Variants in SLC31A1 observed in about 807,000 individuals in gnomAD.
SLC31A1 encodes the protein high affinity copper uptake protein 1.
A neutral mutation model predicts 17.2 loss-of-function variants in SLC31A1; 5 were observed. That is an observed-to-expected ratio of 0.29 (90% CI 0.15 to 0.61). The LOEUF is 0.61. SLC31A1 is among the 20% of genes least tolerant of loss of function. The pLI is 0.86. For missense variants in SLC31A1, 161 were observed against 241.4 expected (o/e 0.67, Z 2.21); for synonymous variants, 76 against 78.8 (o/e 0.96, Z 0.19).
At chr9:113,224,767 G>C (rs1315680748) in intron 1 of SLC31A1, among the ~76,000 whole-genome samples, 1 of 152,200 alleles carries the variant, frequency 6.6e-6, no homozygotes, top group East Asian at 1.9e-4. Context: ...AAAGCATTCA[G>C]TGTGGTGTTT....
At chr9:113,232,094 TA>T (rs1195482262) in intron 1 of SLC31A1, among the ~76,000 whole-genome samples, 2 of 152,206 alleles carry the variant, frequency 1.3e-5, no homozygotes, top group Non-Finnish European at 2.9e-5. Context: ...GGGCAACTTG[TA>T]AAAGCTTACA....
At position 113,258,790 on chromosome 9, in the gene SLC31A1, G is replaced by A. The variant is rs759675958; in HGVS notation, c.299G>A (p.Ser100Asn). 3 of 1,614,218 alleles carry A rather than the reference G, an allele frequency of 1.9e-6. No homozygotes were observed. Among genetic ancestry groups the A allele is most frequent in the Non-Finnish European group, 2.5e-6 (3 of 1,180,042 alleles). Residue 100 changes from serine (S) to asparagine (N), a missense_variant, in exon 4 of 5, where the codon AGC becomes AAC. By Grantham distance (46) the Ser-to-Asn change is conservative. Coordinates refer to ENST00000374212, the MANE Select transcript of SLC31A1 (RefSeq NM_001859.4). This position sits in a 1 kb window ranked among gnomAD's most constrained non-coding sequence, Gnocchi z 4.8. ...AGCCTGCTGCGTAAGTCACAAGTCA[G>A]CATTCGCTACAATTCCATGCCTGTC... is the stretch of plus-strand genomic sequence containing the variant. Reference protein sequence around the residue: ...RESLLRKSQVSIRYNSMPVPG... With the variant: ...RESLLRKSQVNIRYNSMPVPG...
Position 113,261,738 on chromosome 9 carries a change from G to A in SLC31A1, c.*1265G>A, listed in dbSNP as rs2118524065. 1 of 152,646 alleles carries A rather than the reference G, an allele frequency of 6.6e-6. No homozygotes were observed. The highest frequency in any genetic ancestry group is 2.1e-4 in the South Asian group (1 of 4,818). 9.5% of individuals were successfully genotyped at this position (152,646 alleles called of 1,614,324 possible). On this transcript the variant is annotated 3_prime_UTR_variant, in exon 5 of 5. Transcript: ENST00000374212. ...GCCTCAACCCAAAAGCCCCCAAAGT[G>A]GCACTTCTGAGTTCCTGCTGATGTT...
chr9:113,256,196 T>A lies in SLC31A1; in HGVS notation c.48T>A (p.Ser16Arg). Reference sequence around the variant, plus strand: ...GGATGAGCTATATGGACTCCAACAGTACCATGCAACCTTCTCACCATCACC... The same window carrying A: ...GGATGAGCTATATGGACTCCAACAGAACCATGCAACCTTCTCACCATCACC... ...HMGMSYMDSN[S>R]TMQPSHHHPT... The change falls in exon 2 of 5, where the codon AGT (serine) becomes AGA (arginine). Residue 16 changes from serine to arginine, a missense_variant. Ser to Arg is a moderately radical substitution (Grantham distance 110, BLOSUM62 -1). Coordinates refer to ENST00000374212, the MANE Select transcript of SLC31A1 (RefSeq NM_001859.4). 1 of 1,613,112 alleles carries A rather than the reference T, an allele frequency of 6.2e-7. No individual in the cohort carries two copies. The highest frequency in any genetic ancestry group is 1.3e-5 in the African/African-American group (1 of 75,032).
At chr9:113,245,841 C>T (rs1831571511) in intron 1 of SLC31A1, among the ~76,000 whole-genome samples, 1 of 152,022 alleles carries the variant, frequency 6.6e-6, no homozygotes, top group Non-Finnish European at 1.5e-5. Context: ...CTCATGTTGC[C>T]CAGGCGGGTC....
At chr9:113,251,393 GC>G (rs1831650390) in intron 1 of SLC31A1, among the ~76,000 whole-genome samples, 1 of 151,988 alleles carries the variant, frequency 6.6e-6, no homozygotes, top group Non-Finnish European at 1.5e-5. Flanking sequence ...CTGCACTCTA[GC>G]CTGGGTGACA....
At chr9:113,223,758 GTCTT>G (rs2118978766) in intron 1 of SLC31A1, among the ~76,000 whole-genome samples, 1 of 152,184 alleles carries the variant, frequency 6.6e-6, no homozygotes, top group African/African-American at 2.4e-5. Flanking sequence ...AGAGATGACA[GTCTT>G]TATATACGAG....
chr9:113,236,089 G>A (rs912985398), intron 1 of SLC31A1, among the ~76,000 whole-genome samples: 1 of 152,174 alleles, frequency 6.6e-6, no homozygotes, highest in Admixed American at 6.5e-5. Context: ...CCAAGTTCAA[G>A]CAATTCTCGT....
chr9:113,246,930 G>A (rs1049492945), intron 1 of SLC31A1, among the ~76,000 whole-genome samples: 5 of 152,212 alleles, frequency 3.3e-5, no homozygotes, highest in East Asian at 3.9e-4. Context: ...GTGAGCCACC[G>A]CACCCGACCA....
rs1831786459 is a variant in SLC31A1 at position 113,260,960 on chromosome 9, A to G, written c.*487A>G. On this transcript the variant is annotated 3_prime_UTR_variant, in exon 5 of 5. Coordinates refer to ENST00000374212, the MANE Select transcript of SLC31A1 (RefSeq NM_001859.4). ...ACTAAACCCAGAACTCAAACTTAAC[A>G]TTAGAAAATAAGGTCCAGGGCCGGA... 1 of 275,096 alleles carries G rather than the reference A, an allele frequency of 3.6e-6. No homozygotes were observed. The highest frequency in any genetic ancestry group is 7.1e-6 in the Non-Finnish European group (1 of 141,658). 17.0% of individuals were successfully genotyped at this position (275,096 alleles called of 1,614,324 possible). A position where few individuals can be genotyped will look rare whatever the true frequency, so the allele number is the denominator to read the frequency against.
intron 1 of SLC31A1, among the ~76,000 whole-genome samples, chr9:113,237,831 G>T (rs1831478608): frequency 6.6e-6 from 1 of 152,102 alleles, no homozygotes. Context: ...ACTTACTGTT[G>T]GACCCAGACT....
chr9:113,233,069 T>C (rs1564205818), intron 1 of SLC31A1, among the ~76,000 whole-genome samples: 1 of 152,238 alleles, frequency 6.6e-6, no homozygotes, highest in Non-Finnish European at 1.5e-5. Context: ...ATCCTTAGTT[T>C]AGAGGAAACT....
chr9:113,237,686 C>T (rs2118993170), intron 1 of SLC31A1, among the ~76,000 whole-genome samples: 1 of 152,288 alleles, frequency 6.6e-6, no homozygotes, highest in South Asian at 2.1e-4. Context: ...CCTCAGTTTT[C>T]CATCTGAAAA....
rs1223342161 is a variant in SLC31A1 at position 113,260,100 on chromosome 9, G to A, written c.372-172G>A. Reference sequence around the variant, plus strand: ...CTGGCCAATGTTTATAAGCCTGACAGCCCTGTGCTGTTTCATTTCCATGGA... The same window carrying A: ...CTGGCCAATGTTTATAAGCCTGACAACCCTGTGCTGTTTCATTTCCATGGA... On this transcript the variant is annotated intron_variant, in intron 4 of 4. Transcript: ENST00000374212. Among the ~76,000 whole-genome samples the A allele has an allele frequency of 2.0e-5, 3 of 152,194 alleles. No individual in the cohort carries two copies. The East Asian group carries it at 5.8e-4, about 29-fold the overall frequency.
chr9:113,232,317 T>C (rs1326212458), intron 1 of SLC31A1, among the ~76,000 whole-genome samples: 1 of 152,026 alleles, frequency 6.6e-6, no homozygotes, highest in Non-Finnish European at 1.5e-5. Context: ...AAAATCCTAG[T>C]GAAATTATCA....
Position 113,263,605 on chromosome 9 carries a change from T to G in SLC31A1, c.*3132T>G, listed in dbSNP as rs1831817699. 6.6e-6 allele frequency: 1 copy of G among 152,656 alleles called. No homozygotes were observed. Among genetic ancestry groups the G allele is most frequent in the Non-Finnish European group, 1.5e-5 (1 of 68,040 alleles). 9.5% of individuals were successfully genotyped at this position (152,656 alleles called of 1,614,324 possible). On this transcript the variant is annotated 3_prime_UTR_variant, in exon 5 of 5. Transcript: ENST00000374212. ...TATTAAGTCTCCATAGCCCTCCTGA[T>G]GCAGTAGACAGTGCTATGCTGTGGA...
rs546270620 is a variant in SLC31A1 at position 113,252,514 on chromosome 9, C to T, written c.-35-3600C>T. Among the ~76,000 whole-genome samples, 4 of 152,264 alleles carry T rather than the reference C, an allele frequency of 2.6e-5. No homozygotes were observed. In the East Asian group the frequency reaches 5.8e-4, roughly 22 times the overall value. ...TTTTTAGTCAGGCTGGTCTTGAACTCCTGACCTCAGGTGATCTGCCCGCCT... is the reference window on the plus strand; with the variant it reads ...TTTTTAGTCAGGCTGGTCTTGAACTTCTGACCTCAGGTGATCTGCCCGCCT... On this transcript the variant is annotated intron_variant, in intron 1 of 4. Coordinates refer to ENST00000374212, the MANE Select transcript of SLC31A1 (RefSeq NM_001859.4).
At chr9:113,245,935 T>C (rs945446744) in intron 1 of SLC31A1, among the ~76,000 whole-genome samples, 1 of 151,726 alleles carries the variant, frequency 6.6e-6, no homozygotes, top group African/African-American at 2.4e-5. Flanking sequence ...TACCCAGCTC[T>C]AAGTTCTGTT....
intron 1 of SLC31A1, among the ~76,000 whole-genome samples, chr9:113,236,326 T>G (rs1002645990): frequency 3.9e-5 from 6 of 151,948 alleles, no homozygotes; most frequent in African/African-American, 1.2e-4. Flanking sequence ...CAAGTGTGCA[T>G]TTGTTTCTCA....
Sources: allele counts gnomAD v4.1 joint callset (sites outside exome capture counted in the v4.1 genomes callset), GRCh38; gene constraint gnomAD v4.1.1; non-coding constraint Gnocchi (gnomAD v3.1); transcripts MANE v1.5; gene names NCBI Gene and HGNC (gene_info 2026-07-23, HGNC 2026-07-21).